BTBD8: variants seen among roughly 807,000 people sequenced by gnomAD.
BTBD8 encodes the protein BTB/POZ domain-containing protein 8.
BTBD8 carries 110 observed loss-of-function variants against 162.9 expected under a neutral mutation model. The observed-to-expected ratio is 0.68, with a 90% confidence interval of 0.58 to 0.79. The LOEUF (loss-of-function observed/expected upper bound fraction) is 0.79. Ranked by LOEUF, BTBD8 falls within the 30% of genes least tolerant of loss-of-function variation. The probability of loss-of-function intolerance (pLI) is 0.00; values close to 1 mark genes in which losing one functional copy is unlikely to be tolerated. For missense variants in BTBD8, 1,905 were observed against 2,085.4 expected (o/e 0.91, Z 1.68); for synonymous variants, 667 against 716.1 (o/e 0.93, Z 1.10).
chr1:92,097,038 A>G (rs1489886724), intron 2 of BTBD8, among the ~76,000 whole-genome samples: 1 of 152,066 alleles, frequency 6.6e-6, no homozygotes, highest in East Asian at 1.9e-4. Context: ...ATCTGTACCT[A>G]TATGCTTTAT....
At chr1:92,156,912 G>GT (rs1319311278) in intron 9 of BTBD8, among the ~76,000 whole-genome samples, 4 of 148,202 alleles carry the variant, frequency 2.7e-5, no homozygotes, top group Non-Finnish European at 6.0e-5. Flanking sequence ...TTAAAAAACT[G>GT]TTTTTCTATC....
intron 5 of BTBD8, among the ~76,000 whole-genome samples, chr1:92,132,237 C>T (rs996389127): frequency 2.6e-4 from 40 of 151,978 alleles, no homozygotes; most frequent in African/African-American, 8.9e-4. Context: ...AAAGGGATGC[C>T]TCTTCAACTT....
At chr1:92,164,339 T>C (rs1465048234) in intron 9 of BTBD8, among the ~76,000 whole-genome samples, 2 of 151,992 alleles carry the variant, frequency 1.3e-5, no homozygotes, top group African/African-American at 2.4e-5. Flanking sequence ...TTTTTAGAGC[T>C]GGGCGTGGTA....
intron 9 of BTBD8, among the ~76,000 whole-genome samples, chr1:92,157,412 G>A (rs1230348051): frequency 6.6e-6 from 1 of 152,214 alleles, no homozygotes; most frequent in African/African-American, 2.4e-5. Flanking sequence ...TTCTGTATAG[G>A]TATGTTAGGT....
intron 9 of BTBD8, among the ~76,000 whole-genome samples, chr1:92,162,214 T>C (rs553677393): frequency 6.6e-6 from 1 of 152,232 alleles, no homozygotes; most frequent in Admixed American, 6.5e-5. Flanking sequence ...CTGACAGCAC[T>C]TTCCCTCAGC....
rs1379938883 is a variant in BTBD8 at position 92,184,326 on chromosome 1, A to AT, written c.5377dup (p.Ter1793LeufsTer31). Reference sequence around the variant, plus strand: ...ACAATTCTGGAACTGGAAACTCAGCATTAAGTGTTAACATTTTGGAAAAAT... The same window carrying AT: ...ACAATTCTGGAACTGGAAACTCAGCATTTAAGTGTTAACATTTTGGAAAAAT... On this transcript the variant is annotated frameshift_variant, in exon 18 of 18. Transcript: ENST00000636805. LOFTEE classifies it high-confidence loss of function. 2.0e-6 allele frequency: 3 copies of AT among 1,537,762 alleles called. No individual in the cohort carries two copies. Among genetic ancestry groups the AT allele is most frequent in the Middle Eastern group, 3.4e-4 (2 of 5,900 alleles).
intron 5 of BTBD8, among the ~76,000 whole-genome samples, chr1:92,134,051 T>A (rs1649573238): frequency 6.6e-6 from 1 of 151,370 alleles, no homozygotes; most frequent in Non-Finnish European, 1.5e-5. Flanking sequence ...TGGAAGGAAA[T>A]TTTCCTGCTC....
At chr1:92,103,205 A>G (rs943737838) in intron 3 of BTBD8, among the ~76,000 whole-genome samples, 1 of 152,176 alleles carries the variant, frequency 6.6e-6, no homozygotes, top group African/African-American at 2.4e-5. Flanking sequence ...TTTTCAAAAC[A>G]AGTGTTAGAG....
At chr1:92,150,379 A>G (rs919449670) in intron 9 of BTBD8, among the ~76,000 whole-genome samples, 9 of 152,220 alleles carry the variant, frequency 5.9e-5, no homozygotes, top group African/African-American at 1.9e-4. Flanking sequence ...AGTAATAGCA[A>G]TGGTGGGTTA....
rs141564225 is a variant in BTBD8 at position 92,168,999 on chromosome 1, C to A, written c.1573+4C>A. On this transcript the variant is annotated splice_donor_region_variant and intron_variant, in intron 12 of 17. Transcript: ENST00000636805. ...GATCAACAGAAAATCCAAGCAGGTA[C>A]GTTAGCCTTGAGATATTTCAATTCT... 1.3e-6 allele frequency: 2 copies of A among 1,521,662 alleles called. No homozygotes were observed. Among genetic ancestry groups the A allele is most frequent in the Non-Finnish European group, 8.9e-7 (1 of 1,124,150 alleles). The allele number at this position is 1,521,662 out of a possible 1,614,324, so 94.3% of individuals were successfully genotyped here.
At chr1:92,144,891 T>C (rs1649873498) in intron 7 of BTBD8, among the ~76,000 whole-genome samples, 1 of 152,054 alleles carries the variant, frequency 6.6e-6, no homozygotes, top group Admixed American at 6.6e-5. Context: ...TCTCCAGTTA[T>C]CTCAAAGGGA....
intron 4 of BTBD8, 105 bp from the exon 5 acceptor site, chr1:92,129,578 CAAAT>C (rs1022117822): frequency 2.3e-5 from 19 of 841,742 alleles, no homozygotes; most frequent in African/African-American, 1.0e-4. Flanking sequence ...ACAAACAAAA[CAAAT>C]AGATTATTGT....
chr1:92,170,536 T>A (rs1374032335), intron 12 of BTBD8, among the ~76,000 whole-genome samples: 1 of 152,132 alleles, frequency 6.6e-6, no homozygotes, highest in Non-Finnish European at 1.5e-5. Context: ...CTGCTTTGTC[T>A]TATAGCACAT....
intron 10 of BTBD8, 52 bp from the exon 11 acceptor site, chr1:92,167,796 C>G: frequency 7.2e-7 from 1 of 1,382,088 alleles, no homozygotes; most frequent in Non-Finnish European, 9.9e-7. Flanking sequence ...TTTCACATTT[C>G]TTGTGCATTT....
chr1:92,147,634 A>G (rs1649955611), intron 8 of BTBD8, 50 bp from the exon 9 acceptor site: 1 of 1,451,554 alleles, frequency 6.9e-7, no homozygotes. Context: ...TGACTATTAT[A>G]ATGAAAAACA....
intron 1 of BTBD8, among the ~76,000 whole-genome samples, chr1:92,082,317 A>G (rs1648039772): frequency 6.6e-6 from 1 of 152,226 alleles, no homozygotes; most frequent in Non-Finnish European, 1.5e-5. Flanking sequence ...TATTTATTCT[A>G]CAAATACTAA....
rs1436974568 is a variant in BTBD8 at position 92,178,341 on chromosome 1, G to A, written c.2471G>A (p.Cys824Tyr). 1.3e-6 allele frequency: 2 copies of A among 1,551,472 alleles called. No individual in the cohort carries two copies. The highest frequency in any genetic ancestry group is 1.7e-4 in the Middle Eastern group (1 of 5,990). The change falls in exon 16 of 18, where the codon TGT becomes TAT. Residue 824 changes from cysteine (C) to tyrosine (Y), a missense_variant. Physicochemically the swap from Cys to Tyr is radical, Grantham distance 194. This residue lies in a region of BTBD8 where 1,374 missense variants were observed against 1,442.7 expected (regional missense o/e 0.95). Transcript: ENST00000636805. Reference protein sequence around the residue: ...SVLKKVSGKGCSEPVPQAILK... With the variant: ...SVLKKVSGKGYSEPVPQAILK... Reference sequence around the variant, plus strand: ...CTAAAGAAAGTCAGTGGCAAAGGATGTAGTGAGCCAGTACCACAGGCAATT... The same window carrying A: ...CTAAAGAAAGTCAGTGGCAAAGGATATAGTGAGCCAGTACCACAGGCAATT...
At chr1:92,160,744 G>A (rs1389203179) in intron 9 of BTBD8, among the ~76,000 whole-genome samples, 1 of 152,070 alleles carries the variant, frequency 6.6e-6, no homozygotes, top group South Asian at 2.1e-4. Context: ...AAGTGAAGGG[G>A]TTCTGGCAAC....
chr1:92,157,661 CTTT>C (rs201751217), intron 9 of BTBD8, among the ~76,000 whole-genome samples: 1 of 144,854 alleles, frequency 6.9e-6, no homozygotes, highest in Non-Finnish European at 1.5e-5. Flanking sequence ...TCATCACTGG[CTTT>C]TTTTTTTTTT....
Sources: gnomAD v4.1 joint callset for allele counts (sites outside exome capture counted in the v4.1 genomes callset) on GRCh38, gnomAD v4.1.1 for gene constraint, gnomAD v4.1.1 regional missense constraint, MANE v1.5 for transcripts, NCBI Gene and HGNC (gene_info 2026-07-23, HGNC 2026-07-21) for gene names.